Variants in TMEM266 observed in about 807,000 individuals in gnomAD.
TMEM266 encodes the protein transmembrane protein 266.
TMEM266 carries 33 observed loss-of-function variants against 50.5 expected under a neutral mutation model. The ratio of observed to expected loss-of-function variants is 0.65; its 90% CI spans 0.50 to 0.87. TMEM266 has a LOEUF of 0.87. Ranked by LOEUF, TMEM266 falls within the 40% of genes least tolerant of loss-of-function variation. The pLI is 0.00. For synonymous variants in TMEM266, 310 were observed against 292.3 expected (o/e 1.06, Z -0.62); for missense variants, 655 against 695.1 (o/e 0.94, Z 0.65).
chr15:76,076,047 AG>A (rs1203564907), intron 1 of TMEM266, among the ~76,000 whole-genome samples: 1 of 150,988 alleles, frequency 6.6e-6, no homozygotes, highest in African/African-American at 2.4e-5. Context: ...CTGTAGAAAC[AG>A]GGTTTCACTT....
intron 1 of TMEM266, among the ~76,000 whole-genome samples, chr15:76,095,096 AC>A (rs1241954621): frequency 1.3e-5 from 2 of 152,068 alleles, no homozygotes; most frequent in African/African-American, 2.4e-5. Context: ...CTATTTGAAT[AC>A]CCTTTATTTC....
intron 9 of TMEM266, among the ~76,000 whole-genome samples, chr15:76,194,778 CCTT>C (rs2142085028): frequency 6.6e-6 from 1 of 152,284 alleles, no homozygotes; most frequent in East Asian, 1.9e-4. Flanking sequence ...TCTAGATTTC[CCTT>C]TTTTATAAGG....
At position 76,066,168 on chromosome 15, in the gene TMEM266, GC is replaced by G. The variant is rs561592620; in HGVS notation, c.-97+6154del. 2.2e-4 allele frequency among the ~76,000 whole-genome samples: 34 copies of G among 152,244 alleles called. No homozygotes were observed. In the East Asian group the frequency reaches 6.2e-3, roughly 28 times the overall value. On this transcript the variant is annotated intron_variant, in intron 1 of 10. Transcript: ENST00000388942. ...GGAATTTAACTCATATCTTTTAACT[GC>G]CAAAACATTATGGTTTTACTTGGCC...
chr15:76,071,690 C>T (rs1046904161), intron 1 of TMEM266, among the ~76,000 whole-genome samples: 12 of 152,146 alleles, frequency 7.9e-5, no homozygotes, highest in Admixed American at 6.5e-5. Flanking sequence ...GACTTTTGCC[C>T]CTTTACTCTA....
intron 1 of TMEM266, chr15:76,113,914 AAAAAAG>A (rs2037211253): frequency 6.6e-6 from 1 of 152,116 alleles, no homozygotes; most frequent in African/African-American, 2.4e-5. Flanking sequence ...GACTCAAAAA[AAAAAAG>A]AAAAAGAAAA....
intron 1 of TMEM266, among the ~76,000 whole-genome samples, chr15:76,115,716 G>A (rs1463217948): frequency 6.6e-6 from 1 of 152,194 alleles, no homozygotes; most frequent in Non-Finnish European, 1.5e-5. Context: ...CACTTGGCCT[G>A]TAGGAAGTCC....
intron 1 of TMEM266, among the ~76,000 whole-genome samples, chr15:76,081,993 G>A (rs2036700956): frequency 6.6e-6 from 1 of 152,044 alleles, no homozygotes; most frequent in South Asian, 2.1e-4. Flanking sequence ...CAAAACTAAT[G>A]ATCTTTGTAT....
chr15:76,095,786 T>G (rs1320144095), intron 1 of TMEM266, among the ~76,000 whole-genome samples: 1 of 152,046 alleles, frequency 6.6e-6, no homozygotes, highest in Non-Finnish European at 1.5e-5. Context: ...CTGCCTCAAT[T>G]TCAGAACTTG....
At chr15:76,191,728 G>A (rs2038573597) in intron 8 of TMEM266, 1 of 472,994 alleles carries the variant, frequency 2.1e-6, no homozygotes, top group African/African-American at 2.1e-5. Context: ...CGTGAGATGG[G>A]GGCCAGACTG....
intron 1 of TMEM266, among the ~76,000 whole-genome samples, chr15:76,099,651 C>G (rs2036971474): frequency 1.3e-5 from 2 of 152,174 alleles, no homozygotes. Flanking sequence ...AGATTGGCAC[C>G]CTGGTTGTCA....
intron 1 of TMEM266, among the ~76,000 whole-genome samples, chr15:76,128,843 C>T (rs1281672224): frequency 6.6e-6 from 1 of 152,130 alleles, no homozygotes; most frequent in African/African-American, 2.4e-5. Context: ...ATCTCCTTTC[C>T]AGGAAACTGC....
chr15:76,092,465 G>T (rs545942808), intron 1 of TMEM266, among the ~76,000 whole-genome samples: 2 of 151,970 alleles, frequency 1.3e-5, no homozygotes, highest in African/African-American at 4.8e-5. Context: ...CGAGGCGGGC[G>T]GATCAGCTGA....
chr15:76,115,816 G>T (rs897651631), intron 1 of TMEM266, among the ~76,000 whole-genome samples: 4 of 152,126 alleles, frequency 2.6e-5, no homozygotes, highest in African/African-American at 9.7e-5. Context: ...CCCACATTTA[G>T]TCCATCTACC....
At chr15:76,154,582 A>T (rs569749565) in intron 3 of TMEM266, among the ~76,000 whole-genome samples, 4 of 151,968 alleles carry the variant, frequency 2.6e-5, no homozygotes, top group Admixed American at 6.6e-5. Context: ...CTCTTGGACC[A>T]TGCGGGGTTC....
At chr15:76,181,306 T>C (rs1268956408) in intron 8 of TMEM266, 1 of 152,228 alleles carries the variant, frequency 6.6e-6, no homozygotes, top group Non-Finnish European at 1.5e-5. Flanking sequence ...CTTCACTGCT[T>C]CCCTCATTCC....
At chr15:76,184,978 A>G (rs1251955142) in intron 8 of TMEM266, among the ~76,000 whole-genome samples, 1 of 152,150 alleles carries the variant, frequency 6.6e-6, no homozygotes, top group Non-Finnish European at 1.5e-5. Context: ...GATTTGCTTC[A>G]TCGGAGCCAC....
chr15:76,121,003 A>G (rs777877421), intron 1 of TMEM266, among the ~76,000 whole-genome samples: 5 of 152,174 alleles, frequency 3.3e-5, no homozygotes, highest in Admixed American at 6.6e-5. Context: ...ATAAATCTTC[A>G]CTAACTGGAA....
intron 3 of TMEM266, among the ~76,000 whole-genome samples, chr15:76,145,393 G>T (rs2037742373): frequency 6.6e-6 from 1 of 152,180 alleles, no homozygotes; most frequent in Admixed American, 6.5e-5. Flanking sequence ...GCTGCCTGTG[G>T]TCATCAGGCC....
intron 1 of TMEM266, among the ~76,000 whole-genome samples, chr15:76,097,277 CT>C (rs1206697222): frequency 1.3e-5 from 2 of 152,054 alleles, no homozygotes; most frequent in Non-Finnish European, 2.9e-5. Flanking sequence ...ATGTTTAGTG[CT>C]TCCTTCAGGA....
Sources: allele counts gnomAD v4.1 joint callset (sites outside exome capture counted in the v4.1 genomes callset), GRCh38; gene constraint gnomAD v4.1.1; transcripts MANE v1.5; gene names NCBI Gene and HGNC (gene_info 2026-07-23, HGNC 2026-07-21).